MVB12B: variants seen among roughly 807,000 people sequenced by gnomAD.
MVB12B encodes the protein multivesicular body subunit 12B.
Under a neutral mutation model 41.6 loss-of-function variants are expected in MVB12B, and 16 were observed. The observed-to-expected ratio is 0.38, with a 90% CI of 0.26 to 0.58. The LOEUF (loss-of-function observed/expected upper bound fraction) is 0.58, where lower values mean the gene tolerates loss of function less well. MVB12B is among the 20% of genes least tolerant of loss of function. MVB12B has a pLI of 0.62. For missense variants in MVB12B, 274 were observed against 380.2 expected (o/e 0.72, Z 2.32); for synonymous variants, 133 against 139.7 (o/e 0.95, Z 0.34).
intron 7 of MVB12B, among the ~76,000 whole-genome samples, chr9:126,442,268 C>T (rs10987278): frequency 0.26 from 40,246 of 151,916 alleles, 5,383 homozygotes; most frequent in Middle Eastern, 0.31. Context: ...GAGGCTCCTC[C>T]CATCAGAAAT....
At position 126,397,373 on chromosome 9, in the gene MVB12B, G is replaced by A. The variant is rs528359485; in HGVS notation, c.662+1676G>A. 3,679 of 985,446 alleles carry A rather than the reference G, an allele frequency of 3.7e-3. 7 individuals are homozygous for A. Among genetic ancestry groups the A allele is most frequent in the Non-Finnish European group, 4.2e-3 (3,462 of 829,940 alleles). The allele number at this position is 985,446 out of a possible 1,614,324, so 61.0% of individuals were successfully genotyped here. ...AGACAGCCGAGAACACCGAGCCACC[G>A]GCAGCCTGGTGGGTTTGGAGGGTAG... On this transcript the variant is annotated intron_variant, in intron 6 of 9. Coordinates refer to ENST00000361171, the MANE Select transcript of MVB12B (RefSeq NM_033446.3).
chr9:126,429,353 C>T (rs535587755), intron 7 of MVB12B, among the ~76,000 whole-genome samples: 5 of 152,242 alleles, frequency 3.3e-5, no homozygotes, highest in East Asian at 3.9e-4. Flanking sequence ...GTAAAAGGTG[C>T]GGCTGACAGG....
intron 7 of MVB12B, among the ~76,000 whole-genome samples, chr9:126,477,997 AAC>A (rs924306070): frequency 6.6e-6 from 1 of 152,176 alleles, no homozygotes; most frequent in Non-Finnish European, 1.5e-5. Context: ...AGGAGAAAGA[AAC>A]ACACGCTCCT....
At chr9:126,479,578 T>C (rs976739388) in intron 7 of MVB12B, among the ~76,000 whole-genome samples, 1 of 152,222 alleles carries the variant, frequency 6.6e-6, no homozygotes, top group African/African-American at 2.4e-5. Context: ...CTCACCCCAC[T>C]TTCTGGGGAA....
rs563198381 is a variant in MVB12B at position 126,481,720 on chromosome 9, C to T, written c.813+296C>T. Among the ~76,000 whole-genome samples, 4 of 152,342 alleles carry T rather than the reference C, an allele frequency of 2.6e-5. No homozygotes were observed. In the South Asian group the frequency reaches 8.3e-4, roughly 32 times the overall value. On this transcript the variant is annotated intron_variant, in intron 8 of 9. Transcript: ENST00000361171. ...CAACAGCTGGGGGATGGGAAAGTAG[C>T]AAGAGGCTGTCAGACAAGCTCAGGT... is the stretch of plus-strand genomic sequence containing the variant.
At chr9:126,355,007 T>C (rs1464518364) in intron 2 of MVB12B, among the ~76,000 whole-genome samples, 1 of 152,200 alleles carries the variant, frequency 6.6e-6, no homozygotes, top group Non-Finnish European at 1.5e-5. Flanking sequence ...TTTTTTCCAA[T>C]TGTGTAGCTA....
intron 7 of MVB12B, chr9:126,426,845 C>G (rs975065155): frequency 6.6e-6 from 1 of 152,358 alleles, no homozygotes; most frequent in African/African-American, 2.4e-5. Context: ...GAACTATTCT[C>G]TTAAGCCCGA....
chr9:126,386,072 TG>T lies in MVB12B; in HGVS notation c.313-489del, dbSNP rs1173711288. Reference sequence around the variant, plus strand: ...TATTAGTGTATGATTCTTGGGATTTTGCAGAATGTATCTAGCAACTGAAATG... The same window carrying T: ...TATTAGTGTATGATTCTTGGGATTTTCAGAATGTATCTAGCAACTGAAATG... On this transcript the variant is annotated intron_variant, in intron 3 of 9. Transcript: ENST00000361171. This position sits in a 1 kb window ranked among gnomAD's most constrained non-coding sequence, Gnocchi z 4.3. Among the ~76,000 whole-genome samples the T allele has an allele frequency of 6.6e-6, 1 of 152,214 alleles. No individual in the cohort carries two copies. Among genetic ancestry groups the T allele is most frequent in the Non-Finnish European group, 1.5e-5 (1 of 68,022 alleles).
chr9:126,373,690 T>TAG (rs1167557578), intron 2 of MVB12B, among the ~76,000 whole-genome samples: 2 of 152,248 alleles, frequency 1.3e-5, no homozygotes, highest in Non-Finnish European at 2.9e-5. Flanking sequence ...TTGAAATGAT[T>TAG]GACTGCGCCG....
At chr9:126,357,497 T>A (rs1484033033) in intron 2 of MVB12B, among the ~76,000 whole-genome samples, 1 of 152,208 alleles carries the variant, frequency 6.6e-6, no homozygotes. Context: ...TTCTTCCACA[T>A]CCTTGCCAAC....
At chr9:126,449,504 T>C (rs1040308632) in intron 7 of MVB12B, among the ~76,000 whole-genome samples, 12 of 152,140 alleles carry the variant, frequency 7.9e-5, no homozygotes, top group Admixed American at 5.9e-4. Context: ...TAAGGCTCAT[T>C]TCCAGAGGAA....
In MVB12B at chr9:126,421,869, A is replaced by G. The variant is rs1386907450; in HGVS notation, c.678A>G (p.Thr226=). 8 of 1,613,420 alleles carry G rather than the reference A, an allele frequency of 5.0e-6. No individual in the cohort carries two copies. The highest frequency in any genetic ancestry group is 1.7e-5 in the Admixed American group (1 of 59,986). The change falls in exon 7 of 10, where the codon ACA becomes ACG. Residue 226 remains threonine (T), a synonymous_variant. Transcript: ENST00000361171. ...APNLPRHISL[T]LPATFRGRNS... ...TCTTCCTCAGGCACATCTCCCTAAC[A>G]CTTCCTGCCACCTTCCGAGGCAGGA...
In MVB12B at chr9:126,390,688, C is replaced by T. The variant is rs185323548; in HGVS notation, c.410-1378C>T. ...AAAAAATGCAGAAGGAGGCCAGGCG[C>T]GGTGGCTCACGCCTGTAACCCCAGC... On this transcript the variant is annotated intron_variant, in intron 4 of 9. Coordinates refer to ENST00000361171, the MANE Select transcript of MVB12B (RefSeq NM_033446.3). Among the ~76,000 whole-genome samples the T allele has an allele frequency of 7.6e-3, 1,153 of 152,240 alleles. 20 individuals carry two copies. The highest frequency in any genetic ancestry group is 0.027 in the African/African-American group (1,102 of 41,536).
At chr9:126,362,320 A>G (rs533781287) in intron 2 of MVB12B, among the ~76,000 whole-genome samples, 2 of 152,358 alleles carry the variant, frequency 1.3e-5, no homozygotes, top group South Asian at 4.1e-4. Context: ...TCAGAAATTA[A>G]AAGTAAGAGA....
At chr9:126,479,014 G>A (rs190146391) in intron 7 of MVB12B, among the ~76,000 whole-genome samples, 35 of 152,306 alleles carry the variant, frequency 2.3e-4, no homozygotes, top group East Asian at 1.7e-3. Context: ...GTACCTGGGC[G>A]TGCAGAGAGG....
intron 6 of MVB12B, among the ~76,000 whole-genome samples, chr9:126,405,501 C>T (rs1361898214): frequency 1.3e-5 from 2 of 152,060 alleles, no homozygotes; most frequent in Non-Finnish European, 2.9e-5. Context: ...AGCTGACAGT[C>T]TATTTGCAGG....
At chr9:126,447,052 C>T (rs1832790351) in intron 7 of MVB12B, among the ~76,000 whole-genome samples, 1 of 148,242 alleles carries the variant, frequency 6.7e-6, no homozygotes, top group Admixed American at 6.9e-5. Flanking sequence ...TCAAGTGATT[C>T]TCCTGCCTCA....
intron 6 of MVB12B, chr9:126,397,412 G>A (rs1157474339): frequency 1.0e-6 from 1 of 985,324 alleles, no homozygotes; most frequent in Non-Finnish European, 1.2e-6. Flanking sequence ...GTCAGAACCA[G>A]ATGTTTATAA....
intron 1 of MVB12B, among the ~76,000 whole-genome samples, chr9:126,332,417 G>A (rs903109596): frequency 1.3e-5 from 2 of 152,230 alleles, no homozygotes; most frequent in African/African-American, 4.8e-5. Flanking sequence ...TGGGAAAGCT[G>A]TGCTTCTACA....
Sources: allele counts gnomAD v4.1 joint callset (sites outside exome capture counted in the v4.1 genomes callset), GRCh38; gene constraint gnomAD v4.1.1; non-coding constraint Gnocchi (gnomAD v3.1); transcripts MANE v1.5; gene names NCBI Gene and HGNC (gene_info 2026-07-23, HGNC 2026-07-21).